Variants in GPM6B observed in about 807,000 individuals in gnomAD.
GPM6B encodes the protein glycoprotein M6B.
A neutral mutation model predicts 27.2 loss-of-function variants in GPM6B; 4 were observed. The observed-to-expected ratio is 0.15, with a 90% CI of 0.07 to 0.34. The LOEUF (loss-of-function observed/expected upper bound fraction) is 0.34, where lower values mean the gene tolerates loss of function less well. Among genes scored for constraint, GPM6B ranks in the 10% least tolerant of loss-of-function variants. GPM6B has a pLI of 1.00. For missense variants in GPM6B, 183 were observed against 261.9 expected, an observed-to-expected ratio of 0.70 and a Z score of 2.08; for synonymous variants, 124 against 103.1, an observed-to-expected ratio of 1.20 and a Z score of -1.23.
intron 1 of GPM6B, among the ~76,000 whole-genome samples, chrX:13,936,280 C>T (rs1409841153): frequency 8.9e-6 from 1 of 112,155 alleles, no homozygotes; most frequent in Non-Finnish European, 1.9e-5. Context: ...TGAAATTACA[C>T]ATATCACCAC....
chrX:13,870,201 C>A (rs1470957319), intron 1 of GPM6B, among the ~76,000 whole-genome samples: 1 of 112,195 alleles, frequency 8.9e-6, no homozygotes, highest in African/African-American at 3.2e-5. Flanking sequence ...TGACATTAAC[C>A]TTGATCACTT....
At chrX:13,931,596 G>C (rs1011990754) in intron 1 of GPM6B, among the ~76,000 whole-genome samples, 3 of 112,075 alleles carry the variant, frequency 2.7e-5, no homozygotes, top group Non-Finnish European at 3.8e-5. Flanking sequence ...CCCCTCTGTA[G>C]TCATGCCAAA....
upstream of GPM6B, among the ~76,000 whole-genome samples, chrX:13,820,673 C>G (rs2049297787): frequency 9.0e-6 from 1 of 111,244 alleles, no homozygotes; most frequent in Non-Finnish European, 1.9e-5. Context: ...ATTTGAGTTT[C>G]ATCATAGCTT....
At chrX:13,930,091 AT>A (rs928416708) in intron 1 of GPM6B, among the ~76,000 whole-genome samples, 3 of 111,986 alleles carry the variant, frequency 2.7e-5, no homozygotes, top group African/African-American at 9.7e-5. Context: ...TCAGGTTTAA[AT>A]ACTTTTTCTT....
intron 1 of GPM6B, among the ~76,000 whole-genome samples, chrX:13,929,240 C>G (rs1921358046): frequency 9.0e-6 from 1 of 111,491 alleles, no homozygotes; most frequent in South Asian, 3.8e-4. Flanking sequence ...TTCACAGATT[C>G]AGTCCTTTCA....
chrX:13,837,564 C>A (rs1449014278), intron 1 of GPM6B, among the ~76,000 whole-genome samples: 1 of 111,299 alleles, frequency 9.0e-6, no homozygotes, highest in African/African-American at 3.3e-5. Context: ...CCTCATAATG[C>A]CACCTTCTCC....
intron 1 of GPM6B, among the ~76,000 whole-genome samples, chrX:13,831,172 C>T (rs1349134075): frequency 1.2e-5 from 1 of 80,137 alleles, no homozygotes; most frequent in East Asian, 3.7e-4. Context: ...TGTAGAAGAG[C>T]TCAGTACACA....
chrX:13,842,797 A>G (rs1039833247), intron 1 of GPM6B, among the ~76,000 whole-genome samples: 7 of 111,886 alleles, frequency 6.3e-5, no homozygotes, highest in African/African-American at 2.3e-4. Flanking sequence ...CAGTAATTAA[A>G]GATGCATATT....
intron 1 of GPM6B, among the ~76,000 whole-genome samples, chrX:13,846,781 C>T (rs2049652962): frequency 1.1e-5 from 1 of 88,183 alleles, no homozygotes; most frequent in Admixed American, 1.3e-4. Flanking sequence ...GCGTGAGCCA[C>T]TGCGCCAGCT....
At chrX:13,795,730 CTAATT>C (rs1345006202) in intron 2 of GPM6B, among the ~76,000 whole-genome samples, 2 of 100,172 alleles carry the variant, frequency 2.0e-5, no homozygotes, top group African/African-American at 3.7e-5. Context: ...CTTCTCAGTT[CTAATT>C]TCTTTTCTTT....
At chrX:13,929,493 C>G (rs1217213370) in intron 1 of GPM6B, among the ~76,000 whole-genome samples, 4 of 111,181 alleles carry the variant, frequency 3.6e-5, no homozygotes, top group Non-Finnish European at 7.6e-5. Context: ...AAAGAAAAAC[C>G]TTTTAGACAA....
At chrX:13,775,215 T>G (rs2048389126) in intron 7 of GPM6B, among the ~76,000 whole-genome samples, 1 of 112,924 alleles carries the variant, frequency 8.9e-6, no homozygotes, top group African/African-American at 3.2e-5. Context: ...ACAGTTGATT[T>G]TCATTACTTG....
At chrX:13,891,729 G>C (rs1235975052) in intron 1 of GPM6B, among the ~76,000 whole-genome samples, 2 of 111,980 alleles carry the variant, frequency 1.8e-5, no homozygotes, top group African/African-American at 6.5e-5. Context: ...CAGTTCATAT[G>C]ATTTAAGTCT....
chrX:13,815,434 T>C lies in GPM6B; in HGVS notation c.61+1410A>G, dbSNP rs148460538. Among the ~76,000 whole-genome samples the C allele has an allele frequency of 6.6e-3, 733 of 110,985 alleles. 6 individuals carry two copies. Among genetic ancestry groups the C allele is most frequent in the African/African-American group, 0.022 (671 of 30,560 alleles). ...TAAATATTCCCAAGAGCTTCTCTTA[T>C]AGCTATTTGGTCATTGATGAAGATT... On this transcript the variant is annotated intron_variant, in intron 1 of 7. Transcript: ENST00000316715.
chrX:13,849,297 T>A (rs982286068), intron 1 of GPM6B, among the ~76,000 whole-genome samples: 5 of 112,502 alleles, frequency 4.4e-5, no homozygotes, highest in African/African-American at 1.6e-4. Context: ...GAAGATAGAA[T>A]CATCAGGGTT....
At chrX:13,821,595 T>C (rs180996965), upstream of GPM6B, among the ~76,000 whole-genome samples, 12 of 112,332 alleles carry the variant, frequency 1.1e-4, no homozygotes, top group Admixed American at 2.8e-4. Flanking sequence ...AAATCACTTT[T>C]TTTTTCTTTT....
At chrX:13,832,895 T>C (rs779541630) in intron 1 of GPM6B, among the ~76,000 whole-genome samples, 8 of 111,935 alleles carry the variant, frequency 7.1e-5, no homozygotes, top group African/African-American at 2.6e-4. Flanking sequence ...ACCAATAATA[T>C]TTTAAGTCAT....
intron 1 of GPM6B, among the ~76,000 whole-genome samples, chrX:13,836,380 C>T (rs1360318051): frequency 8.9e-6 from 1 of 111,809 alleles, no homozygotes; most frequent in South Asian, 3.7e-4. Flanking sequence ...CATTTAATAC[C>T]TGCATGCATC....
chrX:13,916,791 A>C (rs1373669750), intron 1 of GPM6B, among the ~76,000 whole-genome samples: 1 of 109,821 alleles, frequency 9.1e-6, no homozygotes, highest in Non-Finnish European at 1.9e-5. Flanking sequence ...AATAGATCGA[A>C]ACTTTCAAGT....
Sources: allele counts gnomAD v4.1 joint callset (sites outside exome capture counted in the v4.1 genomes callset), GRCh38; gene constraint gnomAD v4.1.1; transcripts MANE v1.5; gene names NCBI Gene and HGNC (gene_info 2026-07-23, HGNC 2026-07-21).